The following ARMC9 variants were observed in gnomAD, a reference collection of about 807,000 sequenced individuals.
ARMC9 encodes the protein armadillo repeat containing 9, also known as lisH domain-containing protein ARMC9.
In ARMC9, 94 loss-of-function variants were observed where a neutral mutation model predicts 107.0. The ratio of observed to expected loss-of-function variants is 0.88; its 90% CI spans 0.74 to 1.04. The LOEUF is 1.04. Among genes scored for constraint, ARMC9 ranks in the 50% least tolerant of loss-of-function variants. The probability of loss-of-function intolerance (pLI) is 0.00; values close to 1 mark genes in which losing one functional copy is unlikely to be tolerated. For missense variants in ARMC9, 942 were observed against 1,030.1 expected, an observed-to-expected ratio of 0.91 and a Z score of 1.17; for synonymous variants, 380 against 396.9, an observed-to-expected ratio of 0.96 and a Z score of 0.51.
At chr2:231,222,886 C>A in intron 6 of ARMC9, 66 bp downstream of exon 6, 2 of 1,071,924 alleles carry the variant, frequency 1.9e-6, no homozygotes, top group Non-Finnish European at 2.8e-6. Context: ...GAGTTGCACG[C>A]TGGCTTAGGT....
In ARMC9 at chr2:231,271,017, C is replaced by T. The variant is rs751968268; in HGVS notation, c.1155C>T (p.Asp385=). The T allele has an allele frequency of 1.2e-6, 2 of 1,614,064 alleles. No individual in the cohort carries two copies. Among genetic ancestry groups the T allele is most frequent in the African/African-American group, 1.3e-5 (1 of 74,914 alleles). Residue 385 remains aspartate (D), a synonymous_variant, in exon 13 of 25, where the codon GAC becomes GAT. Coordinates refer to ENST00000611582, the MANE Select transcript of ARMC9 (RefSeq NM_001352754.2). ...TTCAGTTGCTGCACTCCACGAGCGA[C>T]GTGGTGCGGCAGTACATGGCCAGGC... The part of the protein sequence containing the change: ...SVLQLLHSTS[D]VVRQYMARLI...
intron 16 of ARMC9, 32 bp from the exon 17 acceptor site, chr2:231,282,027 G>C: frequency 1.3e-6 from 2 of 1,598,530 alleles, no homozygotes; most frequent in Non-Finnish European, 1.7e-6. Context: ...TTGAAAACTT[G>C]CAAATAACTG....
At chr2:231,302,373 T>C (rs1026764369) in intron 19 of ARMC9, among the ~76,000 whole-genome samples, 5 of 151,090 alleles carry the variant, frequency 3.3e-5, no homozygotes, top group Admixed American at 6.6e-5. Context: ...AAATAAGATA[T>C]TCTTATGAAA....
intron 19 of ARMC9, among the ~76,000 whole-genome samples, chr2:231,305,942 A>G (rs2042014040): frequency 6.6e-6 from 1 of 152,230 alleles, no homozygotes; most frequent in African/African-American, 2.4e-5. Context: ...AAATAGTCAA[A>G]TTCTTTTTCA....
intron 20 of ARMC9, among the ~76,000 whole-genome samples, chr2:231,332,604 C>T (rs1402622332): frequency 6.6e-6 from 1 of 152,120 alleles, no homozygotes; most frequent in Non-Finnish European, 1.5e-5. Context: ...TGGCTTACGA[C>T]CCACCAGCTA....
chr2:231,270,272 C>T (rs1041923407), intron 12 of ARMC9, among the ~76,000 whole-genome samples: 1 of 152,230 alleles, frequency 6.6e-6, no homozygotes, highest in Non-Finnish European at 1.5e-5. Context: ...TCTCCTCTGC[C>T]TGGTGTCCCA....
At chr2:231,263,631 C>T (rs918694390) in intron 12 of ARMC9, among the ~76,000 whole-genome samples, 2 of 152,184 alleles carry the variant, frequency 1.3e-5, no homozygotes, top group Admixed American at 1.3e-4. Flanking sequence ...TAGCAACAGA[C>T]CGTGGGAAAG....
chr2:231,259,271 C>G (rs964674715), intron 11 of ARMC9, among the ~76,000 whole-genome samples, 169 bp downstream of exon 11: 1 of 152,140 alleles, frequency 6.6e-6, no homozygotes, highest in Non-Finnish European at 1.5e-5. Flanking sequence ...TAGCCTGGGC[C>G]TCCTTTTAGA....
chr2:231,256,578 C>G lies in ARMC9; in HGVS notation c.880-8C>G, dbSNP rs535773953. ...ACCATCTGTTTTCTTCTGTCCTCTT[C>G]CCCCCAGGCATCCACCATGTTACGA... is the stretch of plus-strand genomic sequence containing the variant. On this transcript the variant is annotated splice_polypyrimidine_tract_variant and splice_region_variant and intron_variant, in intron 9 of 24. Transcript: ENST00000611582. The G allele has an allele frequency of 6.2e-7, 1 of 1,613,600 alleles. No homozygotes were observed. The highest frequency in any genetic ancestry group is 2.2e-5 in the East Asian group (1 of 44,882).
chr2:231,293,155 C>A (rs901440874), intron 18 of ARMC9, among the ~76,000 whole-genome samples: 1 of 152,176 alleles, frequency 6.6e-6, no homozygotes, highest in Non-Finnish European at 1.5e-5. Flanking sequence ...TATGGAACAG[C>A]TATAATTCAT....
At chr2:231,317,064 G>T (rs573797168) in intron 19 of ARMC9, among the ~76,000 whole-genome samples, 24 of 152,252 alleles carry the variant, frequency 1.6e-4, no homozygotes, top group African/African-American at 5.8e-4. Context: ...GTATGTAATG[G>T]GTTGTTTTCC....
intron 19 of ARMC9, among the ~76,000 whole-genome samples, chr2:231,325,150 G>A (rs1245516219): frequency 6.6e-6 from 1 of 152,174 alleles, no homozygotes; most frequent in Non-Finnish European, 1.5e-5. Flanking sequence ...CTGGAGCCTG[G>A]GAAGTTGAGG....
intron 19 of ARMC9, among the ~76,000 whole-genome samples, chr2:231,307,159 G>C (rs960152526): frequency 6.6e-6 from 1 of 152,240 alleles, no homozygotes; most frequent in Non-Finnish European, 1.5e-5. Flanking sequence ...CAGTGCCCCA[G>C]GGGCAGGGGC....
intron 17 of ARMC9, among the ~76,000 whole-genome samples, chr2:231,289,697 C>T (rs1474031983): frequency 6.6e-6 from 1 of 152,120 alleles, no homozygotes; most frequent in Non-Finnish European, 1.5e-5. Flanking sequence ...CCAACTGGTC[C>T]CGCAGGAGCC....
At chr2:231,216,413 G>A (rs2033504445) in intron 4 of ARMC9, among the ~76,000 whole-genome samples, 1 of 152,174 alleles carries the variant, frequency 6.6e-6, no homozygotes, top group African/African-American at 2.4e-5. Context: ...TTAAAAAGCA[G>A]CATATTGAAC....
chr2:231,258,772 A>C (rs2038072922), intron 10 of ARMC9, among the ~76,000 whole-genome samples: 1 of 152,114 alleles, frequency 6.6e-6, no homozygotes, highest in Non-Finnish European at 1.5e-5. Flanking sequence ...AAAATGTTAA[A>C]CAGAACCTAA....
intron 11 of ARMC9, among the ~76,000 whole-genome samples, chr2:231,259,799 C>G (rs1159558567): frequency 1.3e-5 from 2 of 152,158 alleles, no homozygotes; most frequent in African/African-American, 4.8e-5. Context: ...TCAAGACCAT[C>G]CTGGCCAACA....
At chr2:231,269,943 C>T (rs1263083134) in intron 12 of ARMC9, among the ~76,000 whole-genome samples, 4 of 125,018 alleles carry the variant, frequency 3.2e-5, no homozygotes, top group South Asian at 2.9e-4. Context: ...TTGGTGATCT[C>T]CTAATGAGAG....
At chr2:231,203,195 T>C (rs2031360681) in intron 1 of ARMC9, among the ~76,000 whole-genome samples, 1 of 152,144 alleles carries the variant, frequency 6.6e-6, no homozygotes, top group African/African-American at 2.4e-5. Context: ...TTTCGGAACC[T>C]CCACTGGAAT....
Sources: allele counts gnomAD v4.1 joint callset (sites outside exome capture counted in the v4.1 genomes callset), GRCh38; gene constraint gnomAD v4.1.1; transcripts MANE v1.5; gene names NCBI Gene and HGNC (gene_info 2026-07-23, HGNC 2026-07-21).